The following SLC39A10 variants were observed in gnomAD, a reference collection of about 807,000 sequenced individuals.
The protein encoded by SLC39A10 is zinc transporter ZIP10.
SLC39A10 carries 13 observed loss-of-function variants against 65.1 expected under a neutral mutation model. The observed-to-expected ratio is 0.20, with a 90% CI of 0.13 to 0.32. The LOEUF (loss-of-function observed/expected upper bound fraction) is 0.32, where lower values mean the gene tolerates loss of function less well. Among genes scored for constraint, SLC39A10 ranks in the 10% least tolerant of loss-of-function variants. The pLI is 1.00. For missense variants in SLC39A10, 831 were observed against 1,018.4 expected, an observed-to-expected ratio of 0.82 and a Z score of 2.50; for synonymous variants, 321 against 342.2, an observed-to-expected ratio of 0.94 and a Z score of 0.68.
intron 2 of SLC39A10, among the ~76,000 whole-genome samples, chr2:195,614,067 AGTC>A (rs1688154894): frequency 6.6e-6 from 1 of 152,156 alleles, no homozygotes; most frequent in Admixed American, 6.6e-5. Context: ...AGCTGCTCTG[AGTC>A]ATCCACACTT....
intron 1 of SLC39A10, among the ~76,000 whole-genome samples, chr2:195,675,203 T>A (rs1690034813): frequency 6.6e-6 from 1 of 152,120 alleles, no homozygotes; most frequent in Non-Finnish European, 1.5e-5. Flanking sequence ...GGAAAAAAAA[T>A]AAAAATTGTA....
rs1352968715 is a variant in SLC39A10, at chr2:195,736,259, TCTC to T, written c.*1221_*1223del. The T allele has an allele frequency of 1.3e-5, 2 of 157,000 alleles. No individual in the cohort carries two copies. Among genetic ancestry groups the T allele is most frequent in the African/African-American group, 2.4e-5 (1 of 41,458 alleles). The allele number at this position is 157,000 out of a possible 1,614,324, so 9.7% of individuals were successfully genotyped here. A position where few individuals can be genotyped will look rare whatever the true frequency, so the allele number is the denominator to read the frequency against. ...GGGATTAGTCTTTTAGGTGCCCTGT[TCTC>T]CTACCATAATTGTGAATGATTTGTG... On this transcript the variant is annotated 3_prime_UTR_variant, in exon 10 of 10. Coordinates refer to ENST00000359634, the MANE Select transcript of SLC39A10 (RefSeq NM_020342.3).
At chr2:195,634,542 T>C (rs1348054458) in intron 2 of SLC39A10, among the ~76,000 whole-genome samples, 1 of 152,232 alleles carries the variant, frequency 6.6e-6, no homozygotes, top group Non-Finnish European at 1.5e-5. Flanking sequence ...TTCAGGGAGT[T>C]TAGAATGTAT....
chr2:195,737,537 C>G lies in SLC39A10; in HGVS notation c.*2496C>G, dbSNP rs1692693314. 1 of 170,966 alleles carries G rather than the reference C, an allele frequency of 5.8e-6. No homozygotes were observed. Among genetic ancestry groups the G allele is most frequent in the African/African-American group, 2.4e-5 (1 of 41,452 alleles). 10.6% of individuals were successfully genotyped at this position (170,966 alleles called of 1,614,324 possible). ...TGCAAGGTGATTCTTGCTAAAATAT[C>G]TAAACTTTTGTTTTGTTTTAACTGA... On this transcript the variant is annotated 3_prime_UTR_variant, in exon 10 of 10. Coordinates refer to ENST00000359634, the MANE Select transcript of SLC39A10 (RefSeq NM_020342.3).
upstream of SLC39A10, among the ~76,000 whole-genome samples, chr2:195,654,397 C>A (rs557815657): frequency 6.6e-6 from 1 of 152,260 alleles, no homozygotes; most frequent in South Asian, 2.1e-4. Flanking sequence ...CTTATTTCCT[C>A]TTTTGTATTA....
At chr2:195,719,798 T>G (rs865918624) in intron 8 of SLC39A10, among the ~76,000 whole-genome samples, 8 of 151,050 alleles carry the variant, frequency 5.3e-5, no homozygotes, top group African/African-American at 7.3e-5. Context: ...TTTGTTTTTT[T>G]TTTTTTTTCG....
chr2:195,706,456 CAT>C (rs1383039744), intron 3 of SLC39A10, among the ~76,000 whole-genome samples, 158 bp from the exon 4 acceptor site: 1 of 151,162 alleles, frequency 6.6e-6, no homozygotes, highest in African/African-American at 2.4e-5. Context: ...AGTTATATGT[CAT>C]ATTTTTGTTT....
rs956198564 is a variant in SLC39A10, at chr2:195,728,296, T to C, written c.2284T>C (p.Trp762Arg). 6.2e-7 allele frequency: 1 copy of C among 1,613,930 alleles called. No individual in the cohort carries two copies. The highest frequency in any genetic ancestry group is 1.3e-5 in the African/African-American group (1 of 74,918). ...TCAGTATGCCAATAACATCACACTT[T>C]GGATCTTTGCAGTCACTGCAGGCAT... is the stretch of plus-strand genomic sequence containing the variant. ...VGQYANNITL[W>R]IFAVTAGMFL... The change falls in exon 9 of 10, where the codon TGG (tryptophan) becomes CGG (arginine). Residue 762 changes from tryptophan to arginine, a missense_variant. This residue lies in a region of SLC39A10 where 120 missense variants were observed against 203.9 expected (regional missense o/e 0.59). Coordinates refer to ENST00000359634, the MANE Select transcript of SLC39A10 (RefSeq NM_020342.3). The surrounding 1 kb of genome is among the most constrained non-coding windows in gnomAD (Gnocchi z 4.4).
upstream of SLC39A10, among the ~76,000 whole-genome samples, chr2:195,655,090 C>T (rs1689118137): frequency 6.6e-6 from 1 of 152,104 alleles, no homozygotes. Flanking sequence ...AAAGAATAGG[C>T]ACCAACCAAG....
intron 9 of SLC39A10, among the ~76,000 whole-genome samples, chr2:195,733,826 CA>C (rs1692501496): frequency 6.6e-6 from 1 of 152,150 alleles, no homozygotes; most frequent in Non-Finnish European, 1.5e-5. Context: ...CCACAACGCC[CA>C]GCCATATATA....
chr2:195,677,480 G>A (rs1357950125), intron 1 of SLC39A10, among the ~76,000 whole-genome samples: 1 of 152,174 alleles, frequency 6.6e-6, no homozygotes, highest in Non-Finnish European at 1.5e-5. Flanking sequence ...GCTCCAGTGA[G>A]CTATGATTGC....
chr2:195,631,152 C>T (rs908510833), intron 2 of SLC39A10, among the ~76,000 whole-genome samples: 1 of 152,010 alleles, frequency 6.6e-6, no homozygotes, highest in African/African-American at 2.4e-5. Flanking sequence ...CGCCACTGCA[C>T]TCCAGCCTGG....
chr2:195,735,097 G>A lies in SLC39A10; in HGVS notation c.*56G>A. ...AATGTTACCATGCAGCTTTGCATCT[G>A]TTCCTTGTACTGTATGCACATTGCT... On this transcript the variant is annotated 3_prime_UTR_variant, in exon 10 of 10. Transcript: ENST00000359634. 6.4e-7 allele frequency: 1 copy of A among 1,558,564 alleles called. No individual in the cohort carries two copies. Among genetic ancestry groups the A allele is most frequent in the Non-Finnish European group, 8.7e-7 (1 of 1,148,176 alleles).
intron 2 of SLC39A10, among the ~76,000 whole-genome samples, chr2:195,651,419 T>G (rs1280089613): frequency 2.6e-5 from 4 of 152,176 alleles, no homozygotes; most frequent in African/African-American, 4.8e-5. Flanking sequence ...TAGTAGCTAT[T>G]AAGTTTGAGG....
rs971718243 is a variant in SLC39A10 at position 195,736,213 on chromosome 2, A to T, written c.*1172A>T. On this transcript the variant is annotated 3_prime_UTR_variant, in exon 10 of 10. Transcript: ENST00000359634. ...AATCACTTGATCATCTTGTGCCAAG[A>T]TATGCTGTTGGTGCCTGATAGGGAT... is the stretch of plus-strand genomic sequence containing the variant. The T allele has an allele frequency of 6.5e-6, 1 of 153,514 alleles. No homozygotes were observed. Among genetic ancestry groups the T allele is most frequent in the African/African-American group, 2.4e-5 (1 of 41,446 alleles). The allele number at this position is 153,514 out of a possible 1,614,324, so 9.5% of individuals were successfully genotyped here.
At chr2:195,672,219 C>G (rs1266555564) in intron 1 of SLC39A10, among the ~76,000 whole-genome samples, 1 of 152,072 alleles carries the variant, frequency 6.6e-6, no homozygotes, top group South Asian at 2.1e-4. Flanking sequence ...CAGCCTGGCC[C>G]TCCTGGGTTC....
In SLC39A10 at chr2:195,680,884, A is replaced by G. The variant is rs749776340; in HGVS notation, c.842A>G (p.His281Arg). The change falls in exon 2 of 10, where the codon CAT (histidine) becomes CGT (arginine). Residue 281 changes from histidine (H) to arginine (R), a missense_variant. His to Arg is a conservative substitution (Grantham distance 29). Transcript: ENST00000359634. ...CATAACCCAGGTCATTCTCATGTAC[A>G]TCTTCCAGAACGTAATGGTCATGAT... ...RVHNPGHSHV[H>R]LPERNGHDPG... 10 of 1,614,062 alleles carry G rather than the reference A, an allele frequency of 6.2e-6. No individual in the cohort carries two copies. In the Admixed American group the frequency reaches 1.0e-4, roughly 16 times the overall value.
chr2:195,656,003 T>TAA, upstream of SLC39A10, among the ~76,000 whole-genome samples: 1 of 152,296 alleles, frequency 6.6e-6, no homozygotes, highest in African/African-American at 2.4e-5. Context: ...CCAGGCAAGT[T>TAA]AAAGTCTTGT....
At chr2:195,683,155 C>CTTTTTT (rs11386545) in intron 2 of SLC39A10, among the ~76,000 whole-genome samples, 1 of 148,118 alleles carries the variant, frequency 6.8e-6, no homozygotes. Context: ...TTTAAGCTTA[C>CTTTTTT]TTTTTTTTTT....
Sources: allele counts gnomAD v4.1 joint callset (sites outside exome capture counted in the v4.1 genomes callset), GRCh38; gene constraint gnomAD v4.1.1; regional missense constraint gnomAD v4.1.1; non-coding constraint Gnocchi (gnomAD v3.1); transcripts MANE v1.5; gene names NCBI Gene and HGNC (gene_info 2026-07-23, HGNC 2026-07-21).